Variants in TRAF3IP1 observed in about 807,000 individuals in gnomAD.
TRAF3IP1 encodes the protein TRAF3-interacting protein 1.
TRAF3IP1 carries 53 observed loss-of-function variants against 89.9 expected under a neutral mutation model. The ratio of observed to expected loss-of-function variants is 0.59; its 90% confidence interval spans 0.47 to 0.74. The LOEUF is 0.74. Ranked by LOEUF, TRAF3IP1 falls within the 30% of genes least tolerant of loss-of-function variation. TRAF3IP1 has a pLI of 0.00. For synonymous variants in TRAF3IP1, 311 were observed against 322.1 expected, an observed-to-expected ratio of 0.97 and a Z score of 0.37; for missense variants, 806 against 866.1, an observed-to-expected ratio of 0.93 and a Z score of 0.87.
intron 15 of TRAF3IP1, among the ~76,000 whole-genome samples, chr2:238,367,482 G>C (rs1007709754): frequency 6.6e-6 from 1 of 152,156 alleles, no homozygotes; most frequent in South Asian, 2.1e-4. Flanking sequence ...GTTTAGAAAC[G>C]ACCTAGCTGA....
At chr2:238,347,847 G>A (rs1272339401) in intron 10 of TRAF3IP1, among the ~76,000 whole-genome samples, 1 of 151,964 alleles carries the variant, frequency 6.6e-6, no homozygotes, top group Non-Finnish European at 1.5e-5. Flanking sequence ...AGCTGGTCTC[G>A]AACTCCTGAC....
chr2:238,330,254 A>T (rs533960937), intron 5 of TRAF3IP1, among the ~76,000 whole-genome samples: 1 of 152,338 alleles, frequency 6.6e-6, no homozygotes, highest in South Asian at 2.1e-4. Flanking sequence ...TAAGTACAAT[A>T]AGACCTGAGT....
chr2:238,353,948 A>G (rs1245641720), intron 14 of TRAF3IP1, among the ~76,000 whole-genome samples: 2 of 152,008 alleles, frequency 1.3e-5, no homozygotes, highest in Non-Finnish European at 2.9e-5. Context: ...CAATTTTTGT[A>G]TTTTTAGTAG....
At chr2:238,397,081 G>A (rs1251919582) in intron 15 of TRAF3IP1, among the ~76,000 whole-genome samples, 1 of 152,220 alleles carries the variant, frequency 6.6e-6, no homozygotes, top group South Asian at 2.1e-4. Context: ...AGTCCATTTG[G>A]GAAAAATCTT....
chr2:238,368,695 A>G (rs1055321778), intron 15 of TRAF3IP1, among the ~76,000 whole-genome samples: 2 of 152,062 alleles, frequency 1.3e-5, no homozygotes, highest in African/African-American at 4.8e-5. Context: ...TTTGAGACGG[A>G]GTTTCACTCT....
At chr2:238,394,967 T>C (rs544556691) in intron 15 of TRAF3IP1, among the ~76,000 whole-genome samples, 1 of 152,334 alleles carries the variant, frequency 6.6e-6, no homozygotes, top group South Asian at 2.1e-4. Flanking sequence ...AGTTGATTTG[T>C]TACAACTGAG....
rs148820590 is a variant in TRAF3IP1 at position 238,387,495 on chromosome 2, T to C, written c.1690-9964T>C. ...ATGAAAAATAGTTGATGTAAATTTC[T>C]AAAACTATATGAAAACGGTTTGGCA... On this transcript the variant is annotated intron_variant, in intron 15 of 16. Coordinates refer to ENST00000373327, the MANE Select transcript of TRAF3IP1 (RefSeq NM_015650.4). Among the ~76,000 whole-genome samples, 207 of 152,354 alleles carry C rather than the reference T, an allele frequency of 1.4e-3. 1 individual carries two copies. The highest frequency in any genetic ancestry group is 4.2e-3 in the African/African-American group (174 of 41,574).
intron 1 of TRAF3IP1, 94 bp downstream of exon 1, chr2:238,320,879 C>G (rs1002927476): frequency 4.7e-5 from 51 of 1,095,914 alleles, no homozygotes; most frequent in Non-Finnish European, 5.6e-5. Flanking sequence ...GGGTGCGAGC[C>G]GGGCTCGGGC....
rs1290694570 is a variant in TRAF3IP1 at position 238,361,254 on chromosome 2, G to C, written c.1689+5174G>C. On this transcript the variant is annotated intron_variant, in intron 15 of 16. Coordinates refer to ENST00000373327, the MANE Select transcript of TRAF3IP1 (RefSeq NM_015650.4). ...TAGGGGGGTTTTGCTATGTTAGCCA[G>C]GCTGGTCTTGATCTCCTAGGCTCCA... 2.0e-5 allele frequency among the ~76,000 whole-genome samples: 3 copies of C among 152,080 alleles called. No homozygotes were observed. In the East Asian group the frequency reaches 5.8e-4, roughly 30 times the overall value.
chr2:238,347,315 G>A, intron 9 of TRAF3IP1, 140 bp from the exon 10 acceptor site: 1 of 835,296 alleles, frequency 1.2e-6, no homozygotes, highest in Non-Finnish European at 2.0e-6. Context: ...TAGAAAAGCG[G>A]CTATGAGGAA....
intron 15 of TRAF3IP1, among the ~76,000 whole-genome samples, chr2:238,391,274 A>G (rs965583045): frequency 2.0e-5 from 3 of 152,206 alleles, no homozygotes; most frequent in African/African-American, 7.2e-5. Context: ...ATTTTCAATA[A>G]TTAACACAGC....
At position 238,384,539 on chromosome 2, in the gene TRAF3IP1, A is replaced by AT. The variant is rs35203636; in HGVS notation, c.1690-12902dup. Among the ~76,000 whole-genome samples the AT allele has an allele frequency of 4.9e-4, 59 of 119,870 alleles. 1 individual carries two copies. The highest frequency in any genetic ancestry group is 1.3e-3 in the South Asian group (5 of 3,752). The allele number at this position is 119,870 out of a possible 152,430, so 78.6% of individuals were successfully genotyped here. On this transcript the variant is annotated intron_variant, in intron 15 of 16. Coordinates refer to ENST00000373327, the MANE Select transcript of TRAF3IP1 (RefSeq NM_015650.4). ...AGATGCATGCCACCCCGCCTGGCTA[A>AT]TTTTTTTTTTTTTTTTTTGTATTTT...
Position 238,397,303 on chromosome 2 carries a change from G to C in TRAF3IP1, c.1690-156G>C, listed in dbSNP as rs78664889. 489 of 632,078 alleles carry C rather than the reference G, an allele frequency of 7.7e-4. 3 individuals carry two copies. In the African/African-American group the frequency reaches 8.1e-3, roughly 10 times the overall value. 39.2% of individuals were successfully genotyped at this position (632,078 alleles called of 1,614,324 possible). A position where few individuals can be genotyped will look rare whatever the true frequency, so the allele number is the denominator to read the frequency against. On this transcript the variant is annotated intron_variant, in intron 15 of 16. Transcript: ENST00000373327. The stretch of plus-strand genomic sequence containing the variant: ...CAGAGTTACTCTGTTAGGCAGCATG[G>C]CTCTCCCTTTGCATGGGAGTGAGTG...
intron 15 of TRAF3IP1, among the ~76,000 whole-genome samples, chr2:238,380,555 CAGCATCTTCTTCTCG>C (rs1700503318): frequency 6.6e-6 from 1 of 152,188 alleles, no homozygotes; most frequent in Non-Finnish European, 1.5e-5. Context: ...CGGCCACTCA[CAGCATCTTCTTCTCG>C]AGCATGTGGA....
chr2:238,381,682 G>A (rs572558093), intron 15 of TRAF3IP1, among the ~76,000 whole-genome samples: 1 of 152,324 alleles, frequency 6.6e-6, no homozygotes, highest in African/African-American at 2.4e-5. Context: ...TCGAAAATGG[G>A]TATAAACATT....
At position 238,330,212 on chromosome 2, in the gene TRAF3IP1, G is replaced by A. The variant is rs537839411; in HGVS notation, c.915+870G>A. ...CATTGCTCAGTTATTAAGGATTAGG[G>A]CTGCTTTCAAGGGCTTTTAGGCATC... On this transcript the variant is annotated intron_variant, in intron 5 of 16. Coordinates refer to ENST00000373327, the MANE Select transcript of TRAF3IP1 (RefSeq NM_015650.4). Among the ~76,000 whole-genome samples, 14 of 152,302 alleles carry A rather than the reference G, an allele frequency of 9.2e-5. No homozygotes were observed. The East Asian group carries it at 2.5e-3, about 27-fold the overall frequency.
intron 5 of TRAF3IP1, among the ~76,000 whole-genome samples, chr2:238,330,388 C>T (rs776052793): frequency 3.9e-5 from 6 of 152,180 alleles, no homozygotes; most frequent in South Asian, 2.1e-4. Flanking sequence ...GTGTTGGGGA[C>T]GTTTTCCCAG....
Position 238,332,552 on chromosome 2 carries a change from G to C in TRAF3IP1, c.916-272G>C, listed in dbSNP as rs147211064. 1.0e-3 allele frequency among the ~76,000 whole-genome samples: 154 copies of C among 152,242 alleles called. 2 individuals carry two copies. The highest frequency in any genetic ancestry group is 3.5e-3 in the African/African-American group (145 of 41,540). On this transcript the variant is annotated intron_variant, in intron 5 of 16. Transcript: ENST00000373327. Reference sequence around the variant, plus strand: ...GGTGTGGCGTAGGGATTCGTGTTCTGTGTAGCTTCCTGAGAGTCAGGAGTA... The same window carrying C: ...GGTGTGGCGTAGGGATTCGTGTTCTCTGTAGCTTCCTGAGAGTCAGGAGTA...
chr2:238,388,235 C>T (rs1223079260), intron 15 of TRAF3IP1, among the ~76,000 whole-genome samples: 1 of 151,630 alleles, frequency 6.6e-6, no homozygotes, highest in Non-Finnish European at 1.5e-5. Context: ...ATTAGCCTGG[C>T]GTGATGATGC....
Sources: gnomAD v4.1 joint callset for allele counts (sites outside exome capture counted in the v4.1 genomes callset) on GRCh38, gnomAD v4.1.1 for gene constraint, MANE v1.5 for transcripts, NCBI Gene and HGNC (gene_info 2026-07-23, HGNC 2026-07-21) for gene names.